AFF3: variants seen among roughly 807,000 people sequenced by gnomAD.
The protein encoded by AFF3 is AF4/FMR2 family member 3.
In AFF3, 32 loss-of-function variants were observed where a neutral mutation model predicts 129.7. The observed-to-expected ratio is 0.25, with a 90% CI of 0.19 to 0.33. The LOEUF (loss-of-function observed/expected upper bound fraction) is 0.33, where lower values mean the gene tolerates loss of function less well. Among genes scored for constraint, AFF3 ranks in the 10% least tolerant of loss-of-function variants. The pLI is 1.00. For missense variants in AFF3, 1,373 were observed against 1,592.0 expected (o/e 0.86, Z 2.34); for synonymous variants, 644 against 635.4 (o/e 1.01, Z -0.20).
chr2:99,667,054 T>C (rs1246746263), intron 12 of AFF3, among the ~76,000 whole-genome samples: 1 of 152,176 alleles, frequency 6.6e-6, no homozygotes, highest in African/African-American at 2.4e-5. Flanking sequence ...TTGATATTAA[T>C]AGAACACCCT....
intron 4 of AFF3, among the ~76,000 whole-genome samples, chr2:100,083,936 G>A (rs944936630): frequency 2.0e-5 from 3 of 152,184 alleles, no homozygotes; most frequent in Admixed American, 2.0e-4. Flanking sequence ...TATGGGTTCT[G>A]GCTCAGGCTC....
chr2:100,127,169 G>A (rs1227618282), intron 2 of AFF3, among the ~76,000 whole-genome samples: 4 of 152,126 alleles, frequency 2.6e-5, no homozygotes, highest in South Asian at 2.1e-4. Flanking sequence ...AAAAATGACC[G>A]AGGCTCCCCT....
chr2:99,546,937 C>A lies in AFF3; in HGVS notation c.*4537G>T, dbSNP rs1312787837. ...TGAGCCTTCACTGGGACACTGGGAGCGTGCATGTGCATACGTGCATGCATG... is the reference window on the plus strand; with the variant it reads ...TGAGCCTTCACTGGGACACTGGGAGAGTGCATGTGCATACGTGCATGCATG... On this transcript the variant is annotated 3_prime_UTR_variant, in exon 25 of 25. Transcript: ENST00000672756. 4 of 220,710 alleles carry A rather than the reference C, an allele frequency of 1.8e-5. No individual in the cohort carries two copies. The East Asian group carries it at 2.6e-4, about 15-fold the overall frequency. The allele number at this position is 220,710 out of a possible 1,614,324, so 13.7% of individuals were successfully genotyped here.
intron 7 of AFF3, among the ~76,000 whole-genome samples, chr2:99,899,104 TC>T (rs1694183158): frequency 6.6e-6 from 1 of 152,206 alleles, no homozygotes; most frequent in Admixed American, 6.5e-5. Flanking sequence ...ATTTGACATG[TC>T]TGGATTTTGG....
chr2:100,038,753 C>T (rs566015637), intron 4 of AFF3, among the ~76,000 whole-genome samples: 7 of 150,938 alleles, frequency 4.6e-5, no homozygotes, highest in African/African-American at 1.5e-4. Flanking sequence ...GACAGAGCCT[C>T]GCTCTTGTTG....
chr2:99,871,614 A>C (rs191756716), intron 7 of AFF3, among the ~76,000 whole-genome samples: 274 of 152,122 alleles, frequency 1.8e-3, no homozygotes, highest in Non-Finnish European at 2.5e-3. Context: ...CATGGAAAAT[A>C]TATTTTGAGA....
chr2:99,958,844 GGTTCATACCT>G (rs1264635460), intron 7 of AFF3, among the ~76,000 whole-genome samples: 1 of 152,070 alleles, frequency 6.6e-6, no homozygotes, highest in East Asian at 1.9e-4. Context: ...CGGGTGCGGT[GGTTCATACCT>G]GTAATCTCAG....
At position 99,681,908 on chromosome 2, in the gene AFF3, A is replaced by ATTT. The variant is rs35944169; in HGVS notation, c.1092-9322_1092-9320dup. 1.7e-3 allele frequency among the ~76,000 whole-genome samples: 238 copies of ATTT among 139,520 alleles called. 4 individuals carry two copies. The East Asian group carries it at 0.024, about 14-fold the overall frequency. The allele number at this position is 139,520 out of a possible 152,430, so 91.5% of individuals were successfully genotyped here. ...GGTTGAGAACCACTGCCTTAATTCT[A>ATTT]TTTTTTTTTTTTTTTTGAGACGGAG... On this transcript the variant is annotated intron_variant, in intron 11 of 24. Coordinates refer to ENST00000672756, the MANE Select transcript of AFF3 (RefSeq NM_001386135.1).
chr2:99,890,140 C>T (rs969295959), intron 7 of AFF3, among the ~76,000 whole-genome samples: 1 of 152,150 alleles, frequency 6.6e-6, no homozygotes, highest in African/African-American at 2.4e-5. Flanking sequence ...GGTACATGTA[C>T]CAGCATACGC....
intron 11 of AFF3, among the ~76,000 whole-genome samples, chr2:99,677,443 A>G (rs1380935139): frequency 6.6e-6 from 1 of 152,182 alleles, no homozygotes; most frequent in African/African-American, 2.4e-5. Context: ...TAAGGACAGA[A>G]GCAAGATTTT....
At chr2:100,062,040 G>A (rs1053195858) in intron 4 of AFF3, among the ~76,000 whole-genome samples, 1 of 152,236 alleles carries the variant, frequency 6.6e-6, no homozygotes, top group Non-Finnish European at 1.5e-5. Flanking sequence ...TCCCTCTGAA[G>A]TGGAGGAAAG....
intron 4 of AFF3, among the ~76,000 whole-genome samples, chr2:100,104,077 C>A (rs1690998701): frequency 6.6e-6 from 1 of 151,910 alleles, no homozygotes. Flanking sequence ...CGGGTGGATC[C>A]CCAGGCATTA....
chr2:100,012,932 C>T (rs1450147783), intron 4 of AFF3, among the ~76,000 whole-genome samples: 1 of 152,190 alleles, frequency 6.6e-6, no homozygotes, highest in Non-Finnish European at 1.5e-5. Context: ...AAATCACATT[C>T]CTCAAATGTA....
Position 100,043,028 on chromosome 2 carries a change from AT to A in AFF3, c.54-34097del, listed in dbSNP as rs34981944. On this transcript the variant is annotated intron_variant, in intron 4 of 24. Transcript: ENST00000672756. ...TGCAGGTAAGACACAACCCAGAAGA[AT>A]TTTTTTTTTTTTAAACACAGAGAAT... Among the ~76,000 whole-genome samples, 1,506 of 147,372 alleles carry A rather than the reference AT, an allele frequency of 0.01. 64 individuals are homozygous for A. The East Asian group carries it at 0.13, about 13-fold the overall frequency.
intron 13 of AFF3, among the ~76,000 whole-genome samples, chr2:99,618,151 T>A (rs1236924513): frequency 6.6e-6 from 1 of 151,804 alleles, no homozygotes; most frequent in Non-Finnish European, 1.5e-5. Context: ...CTCGTTGACA[T>A]TTAAAGGGGT....
At chr2:99,727,037 T>C (rs1270209696) in intron 11 of AFF3, 40 bp downstream of exon 11, 4 of 1,543,376 alleles carry the variant, frequency 2.6e-6, no homozygotes, top group Non-Finnish European at 3.5e-6. Context: ...GAGGCATATT[T>C]AAGAACAGGC....
chr2:100,029,516 G>A (rs546704207), intron 4 of AFF3, among the ~76,000 whole-genome samples: 5 of 152,082 alleles, frequency 3.3e-5, no homozygotes, highest in Non-Finnish European at 7.4e-5. Flanking sequence ...CATACAACAC[G>A]GATGGGCCTT....
intron 4 of AFF3, among the ~76,000 whole-genome samples, chr2:100,012,831 T>G (rs1430514665): frequency 2.0e-5 from 3 of 152,250 alleles, no homozygotes; most frequent in African/African-American, 4.8e-5. Context: ...CAAAATGTGT[T>G]GCACGTTATG....
At chr2:99,593,106 G>A in intron 15 of AFF3, 89 bp downstream of exon 15, 1 of 1,443,076 alleles carries the variant, frequency 6.9e-7, no homozygotes, top group Non-Finnish European at 9.3e-7. Flanking sequence ...CCAAACAGCA[G>A]CCTATGGGTG....
Sources: allele counts gnomAD v4.1 joint callset (sites outside exome capture counted in the v4.1 genomes callset), GRCh38; gene constraint gnomAD v4.1.1; transcripts MANE v1.5; gene names NCBI Gene and HGNC (gene_info 2026-07-23, HGNC 2026-07-21).